The following RBFOX1 variants were observed in gnomAD, a reference collection of about 807,000 sequenced individuals.
RBFOX1 encodes RNA binding protein fox-1 homolog 1.
RBFOX1 carries 8 observed loss-of-function variants against 57.7 expected under a neutral mutation model. The observed-to-expected ratio is 0.14, with a 90% CI of 0.08 to 0.25. The LOEUF is 0.25. Among genes scored for constraint, RBFOX1 ranks in the 10% least tolerant of loss-of-function variants. RBFOX1 has a pLI of 1.00. For synonymous variants in RBFOX1, 326 were observed against 222.4 expected, an observed-to-expected ratio of 1.47 and a Z score of -4.15; for missense variants, 611 against 548.5, an observed-to-expected ratio of 1.11 and a Z score of -1.14.
intron 4 of RBFOX1, among the ~76,000 whole-genome samples, chr16:7,134,195 G>C (rs934701712): frequency 1.3e-5 from 2 of 152,158 alleles, no homozygotes; most frequent in Admixed American, 6.5e-5. Context: ...TAAAGGTCCA[G>C]ATGAAATTTA....
chr16:6,677,148 A>C (rs2057869214), intron 3 of RBFOX1, among the ~76,000 whole-genome samples: 1 of 152,208 alleles, frequency 6.6e-6, no homozygotes, highest in African/African-American at 2.4e-5. Flanking sequence ...CAGATGATGA[A>C]ATAGAATTCC....
intron 2 of RBFOX1, among the ~76,000 whole-genome samples, chr16:6,649,196 T>G (rs1833772479): frequency 6.6e-6 from 1 of 152,220 alleles, no homozygotes; most frequent in African/African-American, 2.4e-5. Context: ...ATGCAGTATT[T>G]GTCTTTCTGT....
At chr16:6,457,360 A>C (rs2094798632) in intron 2 of RBFOX1, among the ~76,000 whole-genome samples, 1 of 151,500 alleles carries the variant, frequency 6.6e-6, no homozygotes, top group African/African-American at 2.4e-5. Flanking sequence ...AGAAGTACTC[A>C]GAGTGAGAGA....
chr16:7,519,314 T>C (rs1185516105), intron 5 of RBFOX1, among the ~76,000 whole-genome samples: 1 of 152,150 alleles, frequency 6.6e-6, no homozygotes, highest in Non-Finnish European at 1.5e-5. Flanking sequence ...TCATTTTTAT[T>C]GCTGGACCAA....
intron 1 of RBFOX1, among the ~76,000 whole-genome samples, chr16:5,424,936 TCTCTC>T (rs1349660344): frequency 0.013 from 1,293 of 100,966 alleles, 64 homozygotes; most frequent in African/African-American, 0.029. Context: ...TCTTTCTTTC[TCTCTC>T]TTCTTTCTTC....
intron 2 of RBFOX1, among the ~76,000 whole-genome samples, chr16:6,356,255 C>T (rs961754320): frequency 6.6e-6 from 1 of 152,122 alleles, no homozygotes; most frequent in Non-Finnish European, 1.5e-5. Context: ...GGAAAGGGAG[C>T]AATGTTGCAG....
intron 1 of RBFOX1, among the ~76,000 whole-genome samples, chr16:6,047,311 A>G (rs2095505298): frequency 6.6e-6 from 1 of 152,190 alleles, no homozygotes; most frequent in African/African-American, 2.4e-5. Context: ...CCATTCCCCA[A>G]GTCTGATTCC....
In RBFOX1 at chr16:5,949,318, A is replaced by T. The variant is rs190891190; in HGVS notation, c.351+81983A>T. Among the ~76,000 whole-genome samples the T allele has an allele frequency of 3.0e-3, 454 of 152,122 alleles. 2 individuals are homozygous for T. The highest frequency in any genetic ancestry group is 0.01 in the African/African-American group (429 of 41,512). ...GAGGCAGGCCGATCACGAGGTCAGG[A>T]GATCGAGACCATCCTGTCTAACACA... On this transcript the variant is annotated intron_variant, in intron 4 of 19. Transcript: ENST00000641259.
chr16:7,238,622 A>G (rs12443837), intron 4 of RBFOX1, among the ~76,000 whole-genome samples: 206 of 152,172 alleles, frequency 1.4e-3, no homozygotes, highest in Admixed American at 3.0e-3. Flanking sequence ...ATGAATATGC[A>G]TTTCTTTCTC....
intron 4 of RBFOX1, among the ~76,000 whole-genome samples, chr16:7,218,489 A>G (rs191447158): frequency 6.6e-6 from 1 of 152,296 alleles, no homozygotes; most frequent in African/African-American, 2.4e-5. Flanking sequence ...TAGTTGAGAG[A>G]GAAAATAGCA....
intron 1 of RBFOX1, among the ~76,000 whole-genome samples, chr16:6,256,223 A>ATATATATACG (rs2097664108): frequency 9.2e-6 from 1 of 109,002 alleles, no homozygotes; most frequent in Non-Finnish European, 1.8e-5. Flanking sequence ...ATATATATGT[A>ATATATATACG]TATATATATG....
chr16:5,682,362 A>G (rs1320267407), intron 3 of RBFOX1, among the ~76,000 whole-genome samples: 1 of 152,176 alleles, frequency 6.6e-6, no homozygotes, highest in African/African-American at 2.4e-5. Flanking sequence ...TTTAATATAA[A>G]CTGGTTAAAA....
chr16:5,297,634 A>G (rs371696935), intron 1 of RBFOX1, among the ~76,000 whole-genome samples: 12 of 152,086 alleles, frequency 7.9e-5, no homozygotes, highest in Admixed American at 2.6e-4. Context: ...AGTTCCTTAT[A>G]TATATTCTAG....
At chr16:6,606,570 T>C (rs1405764677) in intron 2 of RBFOX1, among the ~76,000 whole-genome samples, 2 of 152,144 alleles carry the variant, frequency 1.3e-5, no homozygotes, top group Non-Finnish European at 2.9e-5. Flanking sequence ...CCTGTGTCCA[T>C]GTGTTCTCAT....
intron 14 of RBFOX1, among the ~76,000 whole-genome samples, chr16:7,703,503 C>T (rs1315744838): frequency 1.3e-5 from 2 of 152,060 alleles, no homozygotes; most frequent in Admixed American, 1.3e-4. Flanking sequence ...TAAAAAGTTC[C>T]CAGGGCATAA....
chr16:5,760,685 T>C (rs3900820), intron 3 of RBFOX1, among the ~76,000 whole-genome samples: 62,645 of 152,046 alleles, frequency 0.41, 13,211 homozygotes, highest in East Asian at 0.62. Context: ...ATATGAAATA[T>C]TTATTAGGTT....
At chr16:5,282,239 C>G (rs755204213) in intron 1 of RBFOX1, among the ~76,000 whole-genome samples, 6 of 152,218 alleles carry the variant, frequency 3.9e-5, no homozygotes, top group Non-Finnish European at 7.3e-5. Context: ...ATTTTGTAGC[C>G]TCCCCAGCAA....
At chr16:7,099,692 G>C (rs972909409) in intron 4 of RBFOX1, among the ~76,000 whole-genome samples, 1 of 152,078 alleles carries the variant, frequency 6.6e-6, no homozygotes, top group Non-Finnish European at 1.5e-5. Flanking sequence ...TGTAAGATTT[G>C]CATTGGTTCT....
intron 3 of RBFOX1, among the ~76,000 whole-genome samples, chr16:6,715,131 C>G (rs1276444469): frequency 6.6e-6 from 1 of 152,138 alleles, no homozygotes; most frequent in Non-Finnish European, 1.5e-5. Context: ...CCACTTGGGA[C>G]TAAGCCACAG....
Sources: gnomAD v4.1 joint callset for allele counts (sites outside exome capture counted in the v4.1 genomes callset) on GRCh38, gnomAD v4.1.1 for gene constraint, MANE v1.5 for transcripts, NCBI Gene and HGNC (gene_info 2026-07-23, HGNC 2026-07-21) for gene names.